Variants in OPCML observed in about 807,000 individuals in gnomAD.
OPCML encodes opioid-binding protein/cell adhesion molecule.
In OPCML, 13 loss-of-function variants were observed where a neutral mutation model predicts 37.8. The ratio of observed to expected loss-of-function variants is 0.34; its 90% CI spans 0.22 to 0.55. The LOEUF (loss-of-function observed/expected upper bound fraction) is 0.55, where lower values mean the gene tolerates loss of function less well. Ranked by LOEUF, OPCML falls within the 20% of genes least tolerant of loss-of-function variation. The pLI is 0.91. For synonymous variants in OPCML, 176 were observed against 168.8 expected, an observed-to-expected ratio of 1.04 and a Z score of -0.33; for missense variants, 341 against 435.6, an observed-to-expected ratio of 0.78 and a Z score of 1.93.
intron 2 of OPCML, among the ~76,000 whole-genome samples, chr11:132,844,655 T>C (rs1941442906): frequency 6.6e-6 from 1 of 152,202 alleles, no homozygotes; most frequent in African/African-American, 2.4e-5. Context: ...ATAATAAATA[T>C]TTTAGGCTTT....
At chr11:133,295,165 G>A (rs1942598117) in intron 1 of OPCML, among the ~76,000 whole-genome samples, 1 of 152,058 alleles carries the variant, frequency 6.6e-6, no homozygotes, top group Non-Finnish European at 1.5e-5. Flanking sequence ...TCACTAGGGG[G>A]ATATTTTCAT....
At chr11:133,436,246 G>C (rs372509202) in intron 1 of OPCML, among the ~76,000 whole-genome samples, 14 of 152,020 alleles carry the variant, frequency 9.2e-5, no homozygotes, top group African/African-American at 3.4e-4. Flanking sequence ...CAAAAACCTA[G>C]GAACTGTTTG....
chr11:132,971,122 A>C (rs1946333262), intron 1 of OPCML, among the ~76,000 whole-genome samples: 1 of 152,198 alleles, frequency 6.6e-6, no homozygotes, highest in Non-Finnish European at 1.5e-5. Context: ...GCTGTTGAGA[A>C]AGAAGGCAAG....
At chr11:132,995,934 T>C (rs1373515336) in intron 1 of OPCML, among the ~76,000 whole-genome samples, 1 of 152,114 alleles carries the variant, frequency 6.6e-6, no homozygotes, top group Non-Finnish European at 1.5e-5. Flanking sequence ...TCAACCAAAA[T>C]AAGATGAAAT....
At chr11:132,867,085 G>C (rs991996969) in intron 2 of OPCML, among the ~76,000 whole-genome samples, 2 of 152,162 alleles carry the variant, frequency 1.3e-5, no homozygotes, top group African/African-American at 4.8e-5. Context: ...GTAATAATTT[G>C]AGCTCACTTA....
At chr11:133,115,523 A>G (rs1008373118) in intron 1 of OPCML, among the ~76,000 whole-genome samples, 1 of 152,192 alleles carries the variant, frequency 6.6e-6, no homozygotes, top group African/African-American at 2.4e-5. Flanking sequence ...AACAACAACA[A>G]AAACACAGGC....
At chr11:133,459,840 A>G (rs537630519) in intron 1 of OPCML, among the ~76,000 whole-genome samples, 2 of 152,144 alleles carry the variant, frequency 1.3e-5, no homozygotes, top group South Asian at 4.1e-4. Context: ...ATACGAATAC[A>G]GAGAAATTGA....
At chr11:133,280,144 AC>A (rs911974579) in intron 1 of OPCML, among the ~76,000 whole-genome samples, 1 of 152,118 alleles carries the variant, frequency 6.6e-6, no homozygotes, top group African/African-American at 2.4e-5. Flanking sequence ...AAATAGTTGT[AC>A]CCTCCTAGAT....
chr11:132,513,957 C>T (rs1414545786), intron 4 of OPCML, among the ~76,000 whole-genome samples: 1 of 152,154 alleles, frequency 6.6e-6, no homozygotes, highest in Non-Finnish European at 1.5e-5. Flanking sequence ...AAGGCACCCA[C>T]TAATTCATTC....
At chr11:132,892,726 C>T (rs963681931) in intron 2 of OPCML, among the ~76,000 whole-genome samples, 13 of 152,160 alleles carry the variant, frequency 8.5e-5, no homozygotes, top group Admixed American at 3.3e-4. Context: ...AAGATCATGC[C>T]GTTGCACTCC....
intron 1 of OPCML, among the ~76,000 whole-genome samples, chr11:132,955,086 A>T (rs1212843163): frequency 6.6e-6 from 1 of 151,994 alleles, no homozygotes; most frequent in Non-Finnish European, 1.5e-5. Flanking sequence ...AATGAGTGGA[A>T]CCCCAGGTGT....
At chr11:133,068,700 T>A (rs1014979070) in intron 1 of OPCML, among the ~76,000 whole-genome samples, 5 of 152,228 alleles carry the variant, frequency 3.3e-5, no homozygotes, top group African/African-American at 9.6e-5. Context: ...TGGAGATATT[T>A]TTCAGCAGAC....
chr11:133,496,208 A>T (rs915642479), intron 1 of OPCML, among the ~76,000 whole-genome samples: 1 of 151,990 alleles, frequency 6.6e-6, no homozygotes, highest in Non-Finnish European at 1.5e-5. Flanking sequence ...TTAGTTGGCT[A>T]TAAGTATTTG....
chr11:132,651,553 T>G (rs1422184446), intron 3 of OPCML, among the ~76,000 whole-genome samples: 1 of 152,182 alleles, frequency 6.6e-6, no homozygotes, highest in Non-Finnish European at 1.5e-5. Flanking sequence ...TCCATTTCCT[T>G]ATTTGTAAAC....
chr11:132,454,478 A>G (rs977237913), intron 4 of OPCML, among the ~76,000 whole-genome samples: 1 of 152,202 alleles, frequency 6.6e-6, no homozygotes, highest in Non-Finnish European at 1.5e-5. Context: ...CCAGGCCCTC[A>G]CTATCCTGCG....
rs554189810 is a variant in OPCML, at chr11:133,266,381, C to G, written c.61+265883G>C. ...CCAAGACCCCCAATCTTTCATGACT[C>G]CCACGTATCCTTTTGAGCTCCCCTT... On this transcript the variant is annotated intron_variant, in intron 1 of 7. Coordinates refer to ENST00000524381, the MANE Select transcript of OPCML (RefSeq NM_001012393.5). 1.0e-3 allele frequency among the ~76,000 whole-genome samples: 152 copies of G among 152,284 alleles called. 1 individual carries two copies. The Middle Eastern group carries it at 0.01, about 10-fold the overall frequency.
At chr11:132,897,660 C>T (rs1252232245) in intron 2 of OPCML, among the ~76,000 whole-genome samples, 1 of 152,164 alleles carries the variant, frequency 6.6e-6, no homozygotes, top group Non-Finnish European at 1.5e-5. Context: ...ACCTCAGCCC[C>T]TTTCTGGAAG....
intron 4 of OPCML, among the ~76,000 whole-genome samples, chr11:132,497,361 A>G (rs2096234606): frequency 6.6e-6 from 1 of 151,250 alleles, no homozygotes; most frequent in Non-Finnish European, 1.5e-5. Flanking sequence ...ATTTACCTAT[A>G]TAACAAACCT....
chr11:132,833,237 C>A (rs1025032924), intron 2 of OPCML, among the ~76,000 whole-genome samples: 30 of 151,998 alleles, frequency 2.0e-4, no homozygotes, highest in African/African-American at 7.3e-4. Flanking sequence ...TTCTTTATAT[C>A]CTATTCTATA....
Sources: gnomAD v4.1 joint callset for allele counts (sites outside exome capture counted in the v4.1 genomes callset) on GRCh38, gnomAD v4.1.1 for gene constraint, MANE v1.5 for transcripts, NCBI Gene and HGNC (gene_info 2026-07-23, HGNC 2026-07-21) for gene names.